The following DSCAM variants were observed in gnomAD, a reference collection of about 807,000 sequenced individuals.
DSCAM encodes cell adhesion molecule DSCAM.
A neutral mutation model predicts 217.7 loss-of-function variants in DSCAM; 47 were observed. The observed-to-expected ratio is 0.22, with a 90% CI of 0.17 to 0.28. DSCAM has a LOEUF of 0.28. DSCAM is among the 10% of genes least tolerant of loss of function. The pLI is 1.00. For missense variants in DSCAM, 2,080 were observed against 2,618.3 expected, an observed-to-expected ratio of 0.79 and a Z score of 4.49; for synonymous variants, 1,056 against 1,015.3, an observed-to-expected ratio of 1.04 and a Z score of -0.76.
intron 11 of DSCAM, among the ~76,000 whole-genome samples, chr21:40,195,143 G>C (rs2090993606): frequency 6.6e-6 from 1 of 152,090 alleles, no homozygotes; most frequent in African/African-American, 2.4e-5. Flanking sequence ...AAGTAATTCA[G>C]TGATAAATTG....
intron 9 of DSCAM, among the ~76,000 whole-genome samples, chr21:40,301,612 A>T (rs73227032): frequency 4.3e-5 from 5 of 117,316 alleles, no homozygotes; most frequent in Non-Finnish European, 1.6e-5. Context: ...TATTACGCTC[A>T]TCTGGTATTG....
At chr21:40,627,537 C>T (rs1293363342) in intron 3 of DSCAM, among the ~76,000 whole-genome samples, 1 of 152,142 alleles carries the variant, frequency 6.6e-6, no homozygotes, top group Non-Finnish European at 1.5e-5. Flanking sequence ...TGTTTGGATT[C>T]TTCCTTTTCT....
intron 1 of DSCAM, among the ~76,000 whole-genome samples, chr21:40,771,067 G>A (rs1461264983): frequency 2.0e-5 from 3 of 152,104 alleles, no homozygotes; most frequent in African/African-American, 4.8e-5. Context: ...CGGACTCCAG[G>A]GCATGCCCAA....
intron 3 of DSCAM, among the ~76,000 whole-genome samples, chr21:40,599,199 G>A (rs1279302560): frequency 6.6e-6 from 1 of 151,438 alleles, no homozygotes; most frequent in Non-Finnish European, 1.5e-5. Flanking sequence ...TGAGCAGAAG[G>A]CTTTTTTTTA....
intron 1 of DSCAM, among the ~76,000 whole-genome samples, chr21:40,829,953 C>A (rs1386817885): frequency 6.6e-6 from 1 of 152,176 alleles, no homozygotes; most frequent in Non-Finnish European, 1.5e-5. Context: ...CCCACATCTT[C>A]CTTCAGAAAA....
chr21:40,665,902 A>G (rs1288268580), intron 3 of DSCAM, among the ~76,000 whole-genome samples: 1 of 152,242 alleles, frequency 6.6e-6, no homozygotes, highest in Admixed American at 6.5e-5. Flanking sequence ...ACGCTGCCAT[A>G]GCATTCCCTG....
intron 3 of DSCAM, among the ~76,000 whole-genome samples, chr21:40,528,694 A>C (rs999470705): frequency 3.3e-5 from 5 of 151,780 alleles, no homozygotes; most frequent in African/African-American, 1.2e-4. Flanking sequence ...ATACGTCCCT[A>C]CTCCTCCACT....
At chr21:40,365,226 A>G (rs1361505092) in intron 4 of DSCAM, among the ~76,000 whole-genome samples, 2 of 152,214 alleles carry the variant, frequency 1.3e-5, no homozygotes, top group East Asian at 1.9e-4. Flanking sequence ...CCCACCCTCA[A>G]TCTGGGTGGG....
At chr21:40,318,103 C>G (rs1404902080) in intron 8 of DSCAM, among the ~76,000 whole-genome samples, 1 of 143,738 alleles carries the variant, frequency 7.0e-6, no homozygotes, top group Non-Finnish European at 1.5e-5. Flanking sequence ...CCAAACACCG[C>G]ATGTTCTCAC....
intron 32 of DSCAM, among the ~76,000 whole-genome samples, chr21:40,039,004 CTG>C (rs1458881894): frequency 1.7e-5 from 2 of 119,812 alleles, no homozygotes; most frequent in East Asian, 4.8e-4. Flanking sequence ...ACATCACACT[CTG>C]GGGACTGTAG....
At chr21:40,509,607 C>G (rs2076242191) in intron 3 of DSCAM, among the ~76,000 whole-genome samples, 1 of 152,188 alleles carries the variant, frequency 6.6e-6, no homozygotes, top group Admixed American at 6.5e-5. Flanking sequence ...AAACCAGACA[C>G]AGACATGGAC....
intron 27 of DSCAM, among the ~76,000 whole-genome samples, chr21:40,066,712 C>G (rs73362114): frequency 0.033 from 5,049 of 152,254 alleles, 269 homozygotes; most frequent in African/African-American, 0.12. Flanking sequence ...CCCTCTAATA[C>G]ATTAGCTTCC....
At chr21:40,121,756 T>A (rs2090037508) in intron 20 of DSCAM, among the ~76,000 whole-genome samples, 1 of 145,576 alleles carries the variant, frequency 6.9e-6, no homozygotes, top group African/African-American at 2.5e-5. Context: ...GTGGTGACAT[T>A]TTGGCTCACG....
At chr21:40,248,334 G>C (rs532056626) in intron 11 of DSCAM, among the ~76,000 whole-genome samples, 141 of 152,204 alleles carry the variant, frequency 9.3e-4, no homozygotes, top group African/African-American at 3.3e-3. Context: ...AAACTTTTAT[G>C]CTCTGCTTCC....
intron 15 of DSCAM, among the ~76,000 whole-genome samples, chr21:40,174,523 A>C (rs1258064850): frequency 7.1e-6 from 1 of 140,722 alleles, no homozygotes; most frequent in Non-Finnish European, 1.5e-5. Flanking sequence ...TTATGGGCCC[A>C]TGTTATTCTT....
chr21:40,427,232 T>C (rs1277823465), intron 3 of DSCAM, among the ~76,000 whole-genome samples: 1 of 152,072 alleles, frequency 6.6e-6, no homozygotes, highest in Non-Finnish European at 1.5e-5. Context: ...CTGTCTGTCC[T>C]AGCTGATCAC....
At chr21:40,471,109 A>C (rs535823669) in intron 3 of DSCAM, among the ~76,000 whole-genome samples, 90 of 152,320 alleles carry the variant, frequency 5.9e-4, no homozygotes, top group African/African-American at 2.0e-3. Flanking sequence ...AAAGATTCAG[A>C]AACGGTAGCT....
At chr21:40,669,486 G>A (rs984616112) in intron 3 of DSCAM, among the ~76,000 whole-genome samples, 1 of 151,978 alleles carries the variant, frequency 6.6e-6, no homozygotes, top group African/African-American at 2.4e-5. Flanking sequence ...CTGCTTTCCT[G>A]TAGCTTATAC....
At chr21:40,312,583 C>T (rs2074151181) in intron 8 of DSCAM, among the ~76,000 whole-genome samples, 1 of 151,990 alleles carries the variant, frequency 6.6e-6, no homozygotes, top group Admixed American at 6.6e-5. Flanking sequence ...TAATTTTGTT[C>T]AACAAACTTT....
Sources: allele counts gnomAD v4.1 joint callset (sites outside exome capture counted in the v4.1 genomes callset), GRCh38; gene constraint gnomAD v4.1.1; transcripts MANE v1.5; gene names NCBI Gene and HGNC (gene_info 2026-07-23, HGNC 2026-07-21).